WWOX: variants seen among roughly 807,000 people sequenced by gnomAD.
WWOX encodes the protein WW domain-containing oxidoreductase.
A neutral mutation model predicts 46.2 loss-of-function variants in WWOX; 69 were observed. The observed-to-expected ratio is 1.49, with a 90% confidence interval of 1.23 to 1.82. The LOEUF is 1.82. Ranked by LOEUF, WWOX falls within the 40% of genes most tolerant of loss-of-function variation. The pLI is 0.00. For synonymous variants in WWOX, 359 were observed against 202.6 expected (o/e 1.77, Z -6.56); for missense variants, 919 against 542.6 (o/e 1.69, Z -6.89).
intron 4 of WWOX, among the ~76,000 whole-genome samples, chr16:78,118,209 A>G (rs1293740691): frequency 6.6e-6 from 1 of 151,426 alleles, no homozygotes. Context: ...TCTTGTCATC[A>G]TTTTCCTCTC....
chr16:78,598,922 G>C lies in WWOX; in HGVS notation c.1056+166170G>C, dbSNP rs560464455. On this transcript the variant is annotated intron_variant, in intron 8 of 8. Transcript: ENST00000566780. ...ACACCAATAGCTCACTCAGATTCCC[G>C]CCTCTCAACAGGGAAACTGAAGCAC... Among the ~76,000 whole-genome samples the C allele has an allele frequency of 3.7e-4, 57 of 152,136 alleles. 1 individual carries two copies. The highest frequency in any genetic ancestry group is 6.3e-4 in the Non-Finnish European group (43 of 68,042).
intron 8 of WWOX, among the ~76,000 whole-genome samples, chr16:78,490,744 T>C (rs913363059): frequency 4.8e-4 from 73 of 152,178 alleles, no homozygotes; most frequent in African/African-American, 1.7e-3. Flanking sequence ...TACACAGTGG[T>C]CTTCAGCTAC....
chr16:78,522,280 C>G (rs182761657), intron 8 of WWOX, among the ~76,000 whole-genome samples: 1 of 151,314 alleles, frequency 6.6e-6, no homozygotes, highest in East Asian at 2.0e-4. Context: ...AAAAAAAAAA[C>G]TAGTGAAATC....
chr16:79,006,473 C>A (rs565747773), intron 8 of WWOX, among the ~76,000 whole-genome samples: 1 of 151,718 alleles, frequency 6.6e-6, no homozygotes, highest in African/African-American at 2.4e-5. Flanking sequence ...ACAAAAATTT[C>A]TTGAATGCTT....
intron 6 of WWOX, among the ~76,000 whole-genome samples, chr16:78,421,887 G>C (rs1030090722): frequency 6.6e-6 from 1 of 151,994 alleles, no homozygotes; most frequent in Non-Finnish European, 1.5e-5. Flanking sequence ...AGGATTACTT[G>C]GTGAAATAAT....
In WWOX at chr16:78,615,033, C is replaced by T. The variant is rs967816619; in HGVS notation, c.1056+182281C>T. On this transcript the variant is annotated intron_variant, in intron 8 of 8. Transcript: ENST00000566780. ...TCCCTAATCTTGCTAGAAGGTAGGG[C>T]TAATGCATTGTCAATTCAGAAATAG... Among the ~76,000 whole-genome samples the T allele has an allele frequency of 7.9e-5, 12 of 152,160 alleles. 1 individual carries two copies. The South Asian group carries it at 1.0e-3, about 13-fold the overall frequency.
At chr16:78,211,651 T>A (rs2036563684) in intron 5 of WWOX, among the ~76,000 whole-genome samples, 1 of 152,210 alleles carries the variant, frequency 6.6e-6, no homozygotes, top group Non-Finnish European at 1.5e-5. Flanking sequence ...AGAATCAGTG[T>A]GCTAACTCTG....
At chr16:78,253,310 T>C (rs2038035118) in intron 5 of WWOX, among the ~76,000 whole-genome samples, 2 of 152,336 alleles carry the variant, frequency 1.3e-5, no homozygotes, top group East Asian at 1.9e-4. Flanking sequence ...ATAATAATTA[T>C]AACCATATCT....
chr16:78,392,876 C>G (rs568084699), intron 6 of WWOX, among the ~76,000 whole-genome samples: 9 of 152,138 alleles, frequency 5.9e-5, no homozygotes, highest in Non-Finnish European at 1.2e-4. Flanking sequence ...CATTTTCATT[C>G]ATTGATTCTG....
intron 8 of WWOX, among the ~76,000 whole-genome samples, chr16:79,027,894 TCA>T (rs1418267805): frequency 2.6e-5 from 4 of 151,812 alleles, no homozygotes; most frequent in Non-Finnish European, 1.5e-5. Flanking sequence ...AGATAATGTC[TCA>T]GTGTTTGAGT....
At chr16:78,796,760 C>T (rs1227618146) in intron 8 of WWOX, among the ~76,000 whole-genome samples, 1 of 152,100 alleles carries the variant, frequency 6.6e-6, no homozygotes, top group Non-Finnish European at 1.5e-5. Flanking sequence ...GCCATCCAGC[C>T]ACTCATTGCT....
intron 8 of WWOX, among the ~76,000 whole-genome samples, chr16:78,912,870 C>G (rs1469572345): frequency 6.6e-6 from 1 of 151,920 alleles, no homozygotes; most frequent in African/African-American, 2.4e-5. Flanking sequence ...GATGCCGTAT[C>G]TTTAAAACAC....
chr16:78,510,801 TTTA>T (rs2085342808), intron 8 of WWOX, among the ~76,000 whole-genome samples: 1 of 152,262 alleles, frequency 6.6e-6, no homozygotes, highest in Non-Finnish European at 1.5e-5. Context: ...TTGTTAAACA[TTTA>T]CCACAGCAGT....
rs148396170 is a variant in WWOX, at chr16:78,786,404, G to C, written c.1056+353652G>C. On this transcript the variant is annotated intron_variant, in intron 8 of 8. Transcript: ENST00000566780. Reference sequence around the variant, plus strand: ...TTATATAGTATTTTCACCACACACAGGATACAGTCAATGACTTCAAGAGCA... The same window carrying C: ...TTATATAGTATTTTCACCACACACACGATACAGTCAATGACTTCAAGAGCA... 7.7e-3 allele frequency among the ~76,000 whole-genome samples: 1,177 copies of C among 152,230 alleles called. 19 individuals are homozygous for C. Among genetic ancestry groups the C allele is most frequent in the African/African-American group, 0.027 (1,110 of 41,534 alleles).
intron 5 of WWOX, among the ~76,000 whole-genome samples, chr16:78,199,830 T>G (rs1156766479): frequency 1.3e-5 from 2 of 152,130 alleles, no homozygotes; most frequent in Non-Finnish European, 2.9e-5. Context: ...CTGATGGCAT[T>G]TATGTCTGTA....
At chr16:78,588,336 C>A (rs978834848) in intron 8 of WWOX, among the ~76,000 whole-genome samples, 12 of 152,130 alleles carry the variant, frequency 7.9e-5, no homozygotes, top group African/African-American at 2.9e-4. Context: ...ATTTAATTCC[C>A]AGCCTGATTT....
intron 8 of WWOX, among the ~76,000 whole-genome samples, chr16:79,157,422 C>CA (rs551488567): frequency 0.017 from 1,769 of 106,710 alleles, 17 homozygotes; most frequent in Middle Eastern, 0.035. Context: ...ATACAATGGC[C>CA]AAAAAAAAAA....
intron 5 of WWOX, among the ~76,000 whole-genome samples, chr16:78,368,777 G>C (rs766109547): frequency 2.0e-5 from 3 of 152,052 alleles, no homozygotes; most frequent in Non-Finnish European, 2.9e-5. Flanking sequence ...ATTACCCATC[G>C]CGATTCATTT....
chr16:78,827,676 T>TAA (rs11150103), intron 8 of WWOX, among the ~76,000 whole-genome samples: 84 of 136,502 alleles, frequency 6.2e-4, no homozygotes, highest in Middle Eastern at 3.8e-3. Flanking sequence ...CTACTAAAAA[T>TAA]AAAAAAAAAA....
Sources: allele counts gnomAD v4.1 joint callset (sites outside exome capture counted in the v4.1 genomes callset), GRCh38; gene constraint gnomAD v4.1.1; transcripts MANE v1.5; gene names NCBI Gene and HGNC (gene_info 2026-07-23, HGNC 2026-07-21).